TTN: variants seen among roughly 807,000 people sequenced by gnomAD.
The protein encoded by TTN is titin, also known as connectin.
In TTN, 1,525 loss-of-function variants were observed where a neutral mutation model predicts 3,223.0. That is an observed-to-expected ratio of 0.47 (90% CI 0.45 to 0.49). TTN has a LOEUF of 0.49. TTN is among the 20% of genes least tolerant of loss of function. The pLI, the probability that TTN is intolerant of heterozygous loss-of-function variation, is 0.00. For missense variants in TTN, 40,786 were observed against 43,424.0 expected, an observed-to-expected ratio of 0.94 and a Z score of 5.40; for synonymous variants, 14,094 against 15,161.0, an observed-to-expected ratio of 0.93 and a Z score of 5.17.
Position 178,780,054 on chromosome 2 carries a change from A to G in TTN, c.3675T>C (p.Ile1225=). 6.2e-7 allele frequency: 1 copy of G among 1,613,626 alleles called. No homozygotes were observed. Among genetic ancestry groups the G allele is most frequent in the East Asian group, 2.2e-5 (1 of 44,816 alleles). ...EKEYEKEQAL[I]RKKMAKDTVV... ...CAGTATCTTTGGCCATTTTCTTCCT[A>G]ATTAAGGCTTGTTCTTTTTCATACT... is the stretch of plus-strand genomic sequence containing the variant. Residue 1225 remains isoleucine, a synonymous_variant, in exon 22 of 363, where the codon ATT becomes ATC. Transcript: ENST00000589042.
chr2:178,712,087 G>T lies in TTN; in HGVS notation c.27743C>A (p.Thr9248Asn), dbSNP rs397517523. The T allele has an allele frequency of 6.8e-6, 11 of 1,613,808 alleles. No individual in the cohort carries two copies. Among genetic ancestry groups the T allele is most frequent in the East Asian group, 2.2e-5 (1 of 44,866 alleles). The stretch of plus-strand genomic sequence containing the variant: ...CCTAAAATGCATTTTGTAAGTCGTA[G>T]TGGGTCTCAATTTTGTATCTCCTTT... ...WYKGDTKLRP[T>N]TTYKMHFRNN... Residue 9248 changes from threonine (T) to asparagine (N), a missense_variant, in exon 96 of 363, where the codon ACT becomes AAT. Transcript: ENST00000589042.
rs1060500433 is a variant in TTN, at chr2:178,572,235, C to CAGT, written c.73896_73897insACT (p.Ser24632_Val24633insThr). 6.2e-7 allele frequency: 1 copy of CAGT among 1,613,396 alleles called. No individual in the cohort carries two copies. Among genetic ancestry groups the CAGT allele is most frequent in the Admixed American group, 1.7e-5 (1 of 59,986 alleles). The stretch of plus-strand genomic sequence containing the variant: ...TCTGGTTTCTCCCAAGAGAGTGACA[C>CAGT]ACTATTTCTTGTGACATCCATCAAA... On this transcript the variant is annotated inframe_insertion, in exon 326 of 363. Transcript: ENST00000589042.
chr2:178,777,552 C>A lies in TTN; in HGVS notation c.4513G>T (p.Val1505Leu), dbSNP rs756907114. ...TGAGTACCATCTTCTTTAATGACTA[C>A]TTTATGGGTATAGTCATTGACAATT... Reference protein sequence around the residue: ...QQIVNDYTHKVVIKEDGTQSL... With the variant: ...QQIVNDYTHKLVIKEDGTQSL... Residue 1505 changes from valine to leucine, a missense_variant, in exon 26 of 363, where the codon GTA becomes TTA. By Grantham distance (32) the Val-to-Leu change is conservative. Coordinates refer to ENST00000589042, the MANE Select transcript of TTN (RefSeq NM_001267550.2). 21 of 1,613,862 alleles carry A rather than the reference C, an allele frequency of 1.3e-5. No homozygotes were observed. Among genetic ancestry groups the A allele is most frequent in the Non-Finnish European group, 1.7e-5 (20 of 1,179,910 alleles).
intron 47 of TTN, chr2:178,746,872 T>G: frequency 1.2e-6 from 2 of 1,613,532 alleles, no homozygotes; most frequent in Non-Finnish European, 1.7e-6. Flanking sequence ...CATTGTCTTT[T>G]GGCTCAATGG....
intron 226 of TTN, 106 bp downstream of exon 226, chr2:178,635,857 C>A (rs1423573109): frequency 6.6e-7 from 1 of 1,515,806 alleles, no homozygotes; most frequent in Non-Finnish European, 8.8e-7. Context: ...TTATTCCCCT[C>A]TTAGGTACAA....
At position 178,672,244 on chromosome 2, in the gene TTN, C is replaced by T; in HGVS notation, c.34954G>A (p.Val11652Ile). ...ACTTCTTGGCGGAAGGCAACTGATA[C>T]TTTTTCTTCAAGGACAGTTCTCCCT... is the stretch of plus-strand genomic sequence containing the variant. The part of the protein sequence containing the change: ...AKGRTVLEEK[V>I]SVAFRQEVVV... Residue 11652 changes from valine (V) to isoleucine (I), a missense_variant, in exon 155 of 363, where the codon GTA (valine) becomes ATA (isoleucine). Physicochemically the swap from Val to Ile is conservative, Grantham distance 29. Transcript: ENST00000589042. 6.4e-7 allele frequency: 1 copy of T among 1,572,544 alleles called. No homozygotes were observed. The highest frequency in any genetic ancestry group is 8.6e-7 in the Non-Finnish European group (1 of 1,158,080).
Position 178,692,161 on chromosome 2 carries a change from G to T in TTN, c.31679-62C>A. On this transcript the variant is annotated intron_variant, in intron 120 of 362. Coordinates refer to ENST00000589042, the MANE Select transcript of TTN (RefSeq NM_001267550.2). ...TCTAGTCACCTTCTGAGACATCTAA[G>T]ATTACATTAAAGCATAAATCTTCAC... 4.2e-6 allele frequency: 6 copies of T among 1,436,638 alleles called. No individual in the cohort carries two copies. In the East Asian group the frequency reaches 9.1e-5, roughly 22 times the overall value. 89.0% of individuals were successfully genotyped at this position (1,436,638 alleles called of 1,614,324 possible). A position where few individuals can be genotyped will look rare whatever the true frequency, so the allele number is the denominator to read the frequency against.
At chr2:178,717,920 A>T in intron 86 of TTN, 23 bp downstream of exon 86, 1 of 1,603,814 alleles carries the variant, frequency 6.2e-7, no homozygotes, top group Non-Finnish European at 8.5e-7. Flanking sequence ...GTTCACACAC[A>T]CTAGGTTAAA....
chr2:178,613,273 C>G lies in TTN; in HGVS notation c.49536G>C (p.Val16512=), dbSNP rs1349720009. 4.4e-6 allele frequency: 7 copies of G among 1,606,896 alleles called. No homozygotes were observed. The highest frequency in any genetic ancestry group is 1.3e-5 in the African/African-American group (1 of 74,594). ...ATTTTTTCTTATTAGTGAGACCTTT[C>G]ACTCTGAATTAGGAACAAAGTGCAT... ...KMPVKDTTYR[V]KGLTNKKKYR... The change falls in exon 264 of 363, where the codon GTG becomes GTC. Residue 16512 remains valine, a synonymous_variant. Coordinates refer to ENST00000589042, the MANE Select transcript of TTN (RefSeq NM_001267550.2).
chr2:178,749,514 G>A lies in TTN; in HGVS notation c.11311+3610C>T, dbSNP rs144372815. ...GAATATTCTTTTACATTTGTCCAGG[G>A]AGTAAAGGGACCAGCTGGATAATCA... On this transcript the variant is annotated intron_variant, in intron 47 of 362. Transcript: ENST00000589042. The A allele has an allele frequency of 3.1e-5, 50 of 1,612,732 alleles. No individual in the cohort carries two copies. In the East Asian group the frequency reaches 1.1e-3, roughly 35 times the overall value.
chr2:178,680,697 TA>T (rs1017198114), intron 138 of TTN, among the ~76,000 whole-genome samples: 8 of 152,052 alleles, frequency 5.3e-5, no homozygotes, highest in Admixed American at 2.6e-4. Flanking sequence ...TGGTTAGCTT[TA>T]AAAAAAATCT....
Position 178,542,847 on chromosome 2 carries a change from G to A in TTN, c.97007C>T (p.Pro32336Leu), listed in dbSNP as rs745496890. The change falls in exon 348 of 363, where the codon CCT (proline) becomes CTT (leucine). Residue 32336 changes from proline to leucine, a missense_variant. Physicochemically the swap from Pro to Leu is moderately conservative, Grantham distance 98. Transcript: ENST00000589042. ...ACCAGCAAAGAACCAGGAAGCAGCA[G>A]GAGGTGGACGGCCAGCAATAGGTAT... ...LVIPIAGRPP[P>L]AASWFFAGSK... The A allele has an allele frequency of 3.1e-6, 5 of 1,613,842 alleles. No individual in the cohort carries two copies. The East Asian group carries it at 8.9e-5, about 29-fold the overall frequency.
rs777009984 is a variant in TTN, at chr2:178,775,444, A to T, written c.6420T>A (p.Asp2140Glu). Residue 2140 changes from aspartate to glutamate, a missense_variant, in exon 28 of 363, where the codon GAT becomes GAA. Asp to Glu is a conservative substitution (Grantham distance 45). Transcript: ENST00000589042. ...TGCTGGCAGAGTCCTCAGCAGTCAC[A>T]TCTCTTATGACCAATTCACAAACAT... The part of the protein sequence containing the change: ...EDNVCELVIR[D>E]VTAEDSASIM... 57 of 1,613,936 alleles carry T rather than the reference A, an allele frequency of 3.5e-5. No individual in the cohort carries two copies. The highest frequency in any genetic ancestry group is 4.7e-5 in the Non-Finnish European group (56 of 1,179,996).
chr2:178,672,387 C>A lies in TTN; in HGVS notation c.34930+20G>T. Reference sequence around the variant, plus strand: ...TTGCATGCAACAATACACGAAAATCCAGGATCTTTCCAAAAATACCTTTAG... The same window carrying A: ...TTGCATGCAACAATACACGAAAATCAAGGATCTTTCCAAAAATACCTTTAG... On this transcript the variant is annotated intron_variant, in intron 154 of 362. Transcript: ENST00000589042. 6.2e-7 allele frequency: 1 copy of A among 1,601,504 alleles called. No homozygotes were observed. The highest frequency in any genetic ancestry group is 8.5e-7 in the Non-Finnish European group (1 of 1,176,104).
At position 178,725,445 on chromosome 2, in the gene TTN, G is replaced by A. The variant is rs886042589; in HGVS notation, c.20759C>T (p.Ala6920Val). ...TTGGCAGATATACTTTCCAGCATTA[G>A]CTGGCTCTGCTTTTGCAAACTGTAG... ...ATLQFAKAEPANAGKYICQIK... is the reference protein window; with the variant it reads ...ATLQFAKAEPVNAGKYICQIK... The change falls in exon 71 of 363, where the codon GCT becomes GTT. Residue 6920 changes from alanine to valine, a missense_variant. By Grantham distance (64) the Ala-to-Val change is moderately conservative (BLOSUM62 0). Coordinates refer to ENST00000589042, the MANE Select transcript of TTN (RefSeq NM_001267550.2). 1.2e-6 allele frequency: 2 copies of A among 1,612,658 alleles called. No individual in the cohort carries two copies. The highest frequency in any genetic ancestry group is 2.2e-5 in the East Asian group (1 of 44,818).
chr2:178,571,952 A>G lies in TTN; in HGVS notation c.74180T>C (p.Val24727Ala), dbSNP rs769619709. 2 of 1,613,322 alleles carry G rather than the reference A, an allele frequency of 1.2e-6. No individual in the cohort carries two copies. Among genetic ancestry groups the G allele is most frequent in the Non-Finnish European group, 1.7e-6 (2 of 1,179,596 alleles). ...AFKLLFNTFT[V>A]LAGEDLKVDV... ...AACTTTTAGGTCTTCACCTGCCAGTACAGTGAAAGTATTGAACAGGAGTTT... is the reference window on the plus strand; with the variant it reads ...AACTTTTAGGTCTTCACCTGCCAGTGCAGTGAAAGTATTGAACAGGAGTTT... Residue 24727 changes from valine (V) to alanine (A), a missense_variant, in exon 326 of 363, where the codon GTA (valine) becomes GCA (alanine). By Grantham distance (64) the Val-to-Ala change is moderately conservative. Transcript: ENST00000589042.
chr2:178,688,867 C>G lies in TTN; in HGVS notation c.32096-89G>C, dbSNP rs565634278. 1.8e-4 allele frequency: 218 copies of G among 1,178,986 alleles called. 1 individual carries two copies. The African/African-American group carries it at 3.0e-3, about 16-fold the overall frequency. The allele number at this position is 1,178,986 out of a possible 1,614,324, so 73.0% of individuals were successfully genotyped here. On this transcript the variant is annotated intron_variant, in intron 125 of 362. Coordinates refer to ENST00000589042, the MANE Select transcript of TTN (RefSeq NM_001267550.2). ...ATTTGGGGAAGAGTTGCACAGTACA[C>G]CACTTTGACTAGCAAAATGGGAAAA...
At position 178,609,224 on chromosome 2, in the gene TTN, A is replaced by G. The variant is rs1057523625; in HGVS notation, c.52086T>C (p.Cys17362=). The part of the protein sequence containing the change: ...ENDHGIAKAP[C]TVSVLDTPGP... ...ATGACTCACCTAACACACTGACAGT[A>G]CAAGGAGCTTTTGCAATACCGTGGT... Residue 17362 remains cysteine, a synonymous_variant, in exon 273 of 363, where the codon TGT becomes TGC. Transcript: ENST00000589042. The G allele has an allele frequency of 1.3e-6, 2 of 1,519,834 alleles. No individual in the cohort carries two copies. Among genetic ancestry groups the G allele is most frequent in the Admixed American group, 4.5e-5 (2 of 44,082 alleles). The allele number at this position is 1,519,834 out of a possible 1,614,324, so 94.1% of individuals were successfully genotyped here.
chr2:178,683,069 T>C (rs2069869770), intron 134 of TTN, 142 bp downstream of exon 134: 2 of 931,556 alleles, frequency 2.1e-6, no homozygotes, highest in Admixed American at 4.2e-5. Flanking sequence ...TAGAGTATAT[T>C]TAGCAATTGT....
Sources: gnomAD v4.1 joint callset for allele counts (sites outside exome capture counted in the v4.1 genomes callset) on GRCh38, gnomAD v4.1.1 for gene constraint, MANE v1.5 for transcripts, NCBI Gene and HGNC (gene_info 2026-07-23, HGNC 2026-07-21) for gene names.